Variants in URAD observed in about 807,000 individuals in gnomAD.
URAD encodes the protein putative 2-oxo-4-hydroxy-4-carboxy-5-ureidoimidazoline decarboxylase.
A neutral mutation model predicts 4.6 loss-of-function variants in URAD; 4 were observed. The ratio of observed to expected loss-of-function variants is 0.87; its 90% CI spans 0.43 to 1.98. The LOEUF (loss-of-function observed/expected upper bound fraction) is 1.98. Ranked by LOEUF, URAD falls within the 30% of genes most tolerant of loss-of-function variation. The pLI is 0.03. For missense variants in URAD, 300 were observed against 255.3 expected (o/e 1.18, Z -1.19); for synonymous variants, 144 against 118.2 (o/e 1.22, Z -1.41).
At chr13:27,981,192 A>T (rs1263834909) in intron 1 of URAD, among the ~76,000 whole-genome samples, 1 of 152,160 alleles carries the variant, frequency 6.6e-6, no homozygotes, top group African/African-American at 2.4e-5. Context: ...GAGTAAGTAC[A>T]TCGGGAATGG....
chr13:27,983,253 A>G (rs7319145), intron 1 of URAD, among the ~76,000 whole-genome samples: 66,174 of 151,762 alleles, frequency 0.44, 14,839 homozygotes, highest in Middle Eastern at 0.49. Flanking sequence ...TTTTTGAGAC[A>G]GAGTCCCATC....
intron 1 of URAD, among the ~76,000 whole-genome samples, chr13:27,981,967 C>G (rs1869888949): frequency 6.6e-6 from 1 of 152,172 alleles, no homozygotes; most frequent in Admixed American, 6.5e-5. Flanking sequence ...CCTGGCCTCT[C>G]CACTTCCTGA....
rs1869778578 is a variant in URAD, at chr13:27,978,381, C to T, written c.247G>A (p.Glu83Lys). 20 of 1,400,840 alleles carry T rather than the reference C, an allele frequency of 1.4e-5. No homozygotes were observed. The highest frequency in any genetic ancestry group is 1.8e-5 in the Non-Finnish European group (20 of 1,083,570). 86.8% of individuals were successfully genotyped at this position (1,400,840 alleles called of 1,614,324 possible). A position where few individuals can be genotyped will look rare whatever the true frequency, so the allele number is the denominator to read the frequency against. ...SELQRGTLTA[E>K]SQREQSGAGL... is the part of the protein sequence containing the mutation. ...GCGCCGCTCTGTTCCCGCTGCGACT[C>T]GGCCGTGAGCGTGCCCCGCTGCAGC... is the stretch of plus-strand genomic sequence containing the variant. Residue 83 changes from glutamate to lysine, a missense_variant, in exon 2 of 2, where the codon GAG (glutamate) becomes AAG (lysine). Transcript: ENST00000332715.
chr13:27,980,679 T>C (rs7991926), intron 1 of URAD, among the ~76,000 whole-genome samples: 109,556 of 152,092 alleles, frequency 0.72, 41,231 homozygotes, highest in South Asian at 0.89. Context: ...TGGTGGGAGG[T>C]CCGGGCGCGG....
At chr13:27,982,532 C>G (rs759643769) in intron 1 of URAD, among the ~76,000 whole-genome samples, 3 of 152,174 alleles carry the variant, frequency 2.0e-5, no homozygotes, top group Non-Finnish European at 4.4e-5. Context: ...CACATCTCAT[C>G]CCTTTGTTGT....
rs910179217 is a variant in URAD at position 27,978,552 on chromosome 13, C to G, written c.176-100G>C. 8 of 855,864 alleles carry G rather than the reference C, an allele frequency of 9.3e-6. No individual in the cohort carries two copies. In the Admixed American group the frequency reaches 3.1e-4, roughly 33 times the overall value. The allele number at this position is 855,864 out of a possible 1,614,324, so 53.0% of individuals were successfully genotyped here. On this transcript the variant is annotated intron_variant, in intron 1 of 1. Transcript: ENST00000332715. ...TAGGCCGCGCCCGGCCCCCCTGCCC[C>G]GCCCCGCCCCGCCCGGCCCCAAAGA...
intron 1 of URAD, among the ~76,000 whole-genome samples, chr13:27,980,913 G>C (rs1476331650): frequency 1.3e-5 from 2 of 152,122 alleles, no homozygotes; most frequent in Non-Finnish European, 1.5e-5. Flanking sequence ...CTTGCAGCGC[G>C]AGAAGAGAAA....
intron 1 of URAD, among the ~76,000 whole-genome samples, chr13:27,983,866 T>C (rs1416989032): frequency 6.6e-6 from 1 of 152,218 alleles, no homozygotes; most frequent in Non-Finnish European, 1.5e-5. Context: ...TGTTTCATTT[T>C]GTTTTGTTTT....
chr13:27,978,549 C>T, intron 1 of URAD, 97 bp from the exon 2 acceptor site: 4 of 846,064 alleles, frequency 4.7e-6, no homozygotes, highest in Non-Finnish European at 6.3e-6. Context: ...GGCCCCCCTG[C>T]CCCGCCCCGC....
intron 1 of URAD, among the ~76,000 whole-genome samples, chr13:27,987,077 C>A (rs1870048742): frequency 6.6e-6 from 1 of 152,208 alleles, no homozygotes; most frequent in African/African-American, 2.4e-5. Flanking sequence ...TGAAAAGGAG[C>A]TCCTTATTTT....
chr13:27,980,058 C>T (rs2137555127), intron 1 of URAD, among the ~76,000 whole-genome samples: 1 of 152,340 alleles, frequency 6.6e-6, no homozygotes. Flanking sequence ...CCCTCTAACA[C>T]CACTGTTTTT....
intron 1 of URAD, among the ~76,000 whole-genome samples, chr13:27,986,382 G>A (rs999513854): frequency 2.6e-5 from 4 of 152,136 alleles, no homozygotes; most frequent in Non-Finnish European, 4.4e-5. Context: ...AACAAGCCTC[G>A]GGAGCGGGGG....
rs2137552931 is a variant in URAD, at chr13:27,977,872, T to C, written c.*234A>G. On this transcript the variant is annotated 3_prime_UTR_variant, in exon 2 of 2. Coordinates refer to ENST00000332715, the MANE Select transcript of URAD (RefSeq NM_001105577.2). ...TGAAGAATTGAAGCAGTGAGCTGGATAAATCCGGGGCAAAGCACTAAACAA... is the reference window on the plus strand; with the variant it reads ...TGAAGAATTGAAGCAGTGAGCTGGACAAATCCGGGGCAAAGCACTAAACAA... The C allele has an allele frequency of 4.1e-5, 19 of 462,238 alleles. No homozygotes were observed. The South Asian group carries it at 7.4e-4, about 18-fold the overall frequency. The allele number at this position is 462,238 out of a possible 1,614,324, so 28.6% of individuals were successfully genotyped here.
At position 27,978,294 on chromosome 13, in the gene URAD, G is replaced by T; in HGVS notation, c.334C>A (p.Arg112Ser). 7.1e-7 allele frequency: 1 copy of T among 1,402,598 alleles called. No individual in the cohort carries two copies. The highest frequency in any genetic ancestry group is 9.2e-7 in the Non-Finnish European group (1 of 1,086,152). 86.9% of individuals were successfully genotyped at this position (1,402,598 alleles called of 1,614,324 possible). ...ACGAAGGGGAAACCGAAGCGCGCGC[G>T]GTACTGCGCGTTGAGCTCGGCCAGC... ...LRLAELNAQYRARFGFPFVLA... is the reference protein window; with the variant it reads ...LRLAELNAQYSARFGFPFVLA... Residue 112 changes from arginine to serine, a missense_variant, in exon 2 of 2, where the codon CGC becomes AGC. Arg to Ser is a moderately radical substitution (Grantham distance 110). Transcript: ENST00000332715.
chr13:27,979,454 T>C (rs1007047752), intron 1 of URAD, among the ~76,000 whole-genome samples: 1 of 152,258 alleles, frequency 6.6e-6, no homozygotes, highest in Non-Finnish European at 1.5e-5. Flanking sequence ...CAGGGCGCTA[T>C]GATTTGTAAA....
At position 27,977,991 on chromosome 13, in the gene URAD, A is replaced by T; in HGVS notation, c.*115T>A. 4 of 821,358 alleles carry T rather than the reference A, an allele frequency of 4.9e-6. No individual in the cohort carries two copies. In the South Asian group the frequency reaches 9.1e-5, roughly 19 times the overall value. The allele number at this position is 821,358 out of a possible 1,614,324, so 50.9% of individuals were successfully genotyped here. On this transcript the variant is annotated 3_prime_UTR_variant, in exon 2 of 2. Transcript: ENST00000332715. ...CCTCAATTCTCCACTTCCTTTGTGC[A>T]CGTGTGTGGACGCTGTTCCAGGCCC...
chr13:27,988,067 T>C (rs1474729509), intron 1 of URAD, among the ~76,000 whole-genome samples: 1 of 152,224 alleles, frequency 6.6e-6, no homozygotes, highest in African/African-American at 2.4e-5. Context: ...CAAGCGATTC[T>C]CCTGCCTCAG....
rs968915886 is a variant in URAD, at chr13:27,986,378, C to A, written c.175+2085G>T. Among the ~76,000 whole-genome samples the A allele has an allele frequency of 2.0e-5, 3 of 152,288 alleles. No homozygotes were observed. The East Asian group carries it at 5.8e-4, about 29-fold the overall frequency. On this transcript the variant is annotated intron_variant, in intron 1 of 1. Coordinates refer to ENST00000332715, the MANE Select transcript of URAD (RefSeq NM_001105577.2). ...CAAGTCACGGGGGCATCAAAACAAG[C>A]CTCGGGAGCGGGGGTTGCCCACGTC...
At chr13:27,988,124 A>C (rs1427068406) in intron 1 of URAD, among the ~76,000 whole-genome samples, 1 of 152,048 alleles carries the variant, frequency 6.6e-6, no homozygotes, top group Non-Finnish European at 1.5e-5. Context: ...ACGCCTGGCT[A>C]ATTTTTTGTA....
Sources: allele counts gnomAD v4.1 joint callset (sites outside exome capture counted in the v4.1 genomes callset), GRCh38; gene constraint gnomAD v4.1.1; transcripts MANE v1.5; gene names NCBI Gene and HGNC (gene_info 2026-07-23, HGNC 2026-07-21).